NOVA1: variants seen among roughly 807,000 people sequenced by gnomAD.
NOVA1 encodes NOVA alternative splicing regulator 1.
In NOVA1, 7 loss-of-function variants were observed where a neutral mutation model predicts 38.0. That is an observed-to-expected ratio of 0.18 (90% CI 0.10 to 0.35). NOVA1 has a LOEUF of 0.35. Among genes scored for constraint, NOVA1 ranks in the 10% least tolerant of loss-of-function variants. NOVA1 has a pLI of 1.00. For missense variants in NOVA1, 460 were observed against 616.0 expected, an observed-to-expected ratio of 0.75 and a Z score of 2.68; for synonymous variants, 270 against 232.5, an observed-to-expected ratio of 1.16 and a Z score of -1.47.
At chr14:26,512,145 T>C (rs115481051) in intron 2 of NOVA1, among the ~76,000 whole-genome samples, 1,712 of 152,286 alleles carry the variant, frequency 0.011, 22 homozygotes, top group Middle Eastern at 0.058. Context: ...AGAGTATATA[T>C]TTTGCTTTAA....
chr14:26,498,209 G>A (rs1024690616), intron 2 of NOVA1, among the ~76,000 whole-genome samples: 6 of 151,242 alleles, frequency 4.0e-5, no homozygotes, highest in East Asian at 2.0e-4. Flanking sequence ...ACAGGCGCCC[G>A]CCACCACGCC....
At chr14:26,519,899 G>C (rs182339719) in intron 2 of NOVA1, among the ~76,000 whole-genome samples, 188 of 152,126 alleles carry the variant, frequency 1.2e-3, no homozygotes, top group African/African-American at 4.3e-3. Context: ...AATAATGCAA[G>C]AAATAATGAA....
At chr14:26,528,543 G>C (rs1204766421) in intron 2 of NOVA1, among the ~76,000 whole-genome samples, 1 of 152,088 alleles carries the variant, frequency 6.6e-6, no homozygotes, top group Non-Finnish European at 1.5e-5. Context: ...TGGGAAGACA[G>C]TAACCCTGGC....
chr14:26,521,436 C>G (rs1462913976), intron 2 of NOVA1, among the ~76,000 whole-genome samples: 1 of 152,018 alleles, frequency 6.6e-6, no homozygotes, highest in Admixed American at 6.6e-5. Context: ...GACTCACGAA[C>G]TCTATTACAA....
chr14:26,543,376 A>G (rs990378806), intron 2 of NOVA1, among the ~76,000 whole-genome samples: 1 of 152,014 alleles, frequency 6.6e-6, no homozygotes, highest in Admixed American at 6.6e-5. Context: ...TCCCAAACAC[A>G]TAACAGGAGC....
chr14:26,453,917 C>G (rs1407737284), intron 4 of NOVA1, among the ~76,000 whole-genome samples: 1 of 152,114 alleles, frequency 6.6e-6, no homozygotes, highest in African/African-American at 2.4e-5. Flanking sequence ...ACAGTGGATA[C>G]CTGTTATTTT....
intron 2 of NOVA1, among the ~76,000 whole-genome samples, chr14:26,533,458 A>G (rs1889862517): frequency 6.6e-6 from 1 of 152,176 alleles, no homozygotes; most frequent in African/African-American, 2.4e-5. Context: ...CAGTCTATCA[A>G]TGTTTATAGG....
chr14:26,503,533 A>C (rs1463635079), intron 2 of NOVA1, among the ~76,000 whole-genome samples: 1 of 152,158 alleles, frequency 6.6e-6, no homozygotes, highest in Non-Finnish European at 1.5e-5. Flanking sequence ...ATACTCTAGT[A>C]CAATTCTATT....
At chr14:26,595,966 G>GC in intron 1 of NOVA1, 1 of 383,822 alleles carries the variant, frequency 2.6e-6, no homozygotes, top group South Asian at 2.1e-5. Flanking sequence ...AAGAAGAAAA[G>GC]CCCAGGACTG....
At chr14:26,580,795 G>C (rs1029004329) in intron 2 of NOVA1, among the ~76,000 whole-genome samples, 3 of 151,746 alleles carry the variant, frequency 2.0e-5, no homozygotes, top group Non-Finnish European at 4.4e-5. Flanking sequence ...TCTATCACCT[G>C]CATTTTTACA....
At chr14:26,500,503 A>AG (rs1173787504) in intron 2 of NOVA1, among the ~76,000 whole-genome samples, 1 of 151,826 alleles carries the variant, frequency 6.6e-6, no homozygotes, top group Non-Finnish European at 1.5e-5. Context: ...ACCTCCCAGG[A>AG]GAAAAAAAAA....
At chr14:26,462,200 T>C (rs1883738089) in intron 4 of NOVA1, among the ~76,000 whole-genome samples, 2 of 152,258 alleles carry the variant, frequency 1.3e-5, no homozygotes, top group Non-Finnish European at 2.9e-5. Flanking sequence ...CTTTGTATAA[T>C]AACCCTTCAT....
At position 26,496,215 on chromosome 14, in the gene NOVA1, T is replaced by A. The variant is rs549811602; in HGVS notation, c.281-16072A>T. Among the ~76,000 whole-genome samples, 932 of 152,206 alleles carry A rather than the reference T, an allele frequency of 6.1e-3. 7 individuals are homozygous for A. Among genetic ancestry groups the A allele is most frequent in the Non-Finnish European group, 8.5e-3 (575 of 68,002 alleles). On this transcript the variant is annotated intron_variant, in intron 2 of 4. Transcript: ENST00000539517. The stretch of plus-strand genomic sequence containing the variant: ...TAACTGGTGTGAGATGATATCTCAT[T>A]GTGGTTTTGATTTGCATTTCTCTGA...
chr14:26,595,466 A>C lies in NOVA1; in HGVS notation c.224T>G (p.Leu75Trp), dbSNP rs1177715823. ...GATGGTGGCTCCAGTTTCTTTTTGC[A>C]ACTGAACAATTGTCTGTCCTCCCTT... ...IGKGGQTIVQ[L>W]QKETGATIKL... The change falls in exon 2 of 5, where the codon TTG becomes TGG. Residue 75 changes from leucine (L) to tryptophan (W), a missense_variant. Transcript: ENST00000539517. 6.2e-7 allele frequency: 1 copy of C among 1,613,850 alleles called. No homozygotes were observed. Among genetic ancestry groups the C allele is most frequent in the African/African-American group, 1.3e-5 (1 of 74,898 alleles).
intron 2 of NOVA1, among the ~76,000 whole-genome samples, chr14:26,584,487 T>C (rs558409286): frequency 3.6e-4 from 54 of 151,618 alleles, no homozygotes; most frequent in Admixed American, 2.0e-3. Flanking sequence ...CTAACGAATA[T>C]ATCTAGGAAG....
chr14:26,523,712 CTTTTT>C (rs944888941), intron 2 of NOVA1, among the ~76,000 whole-genome samples: 1 of 120,158 alleles, frequency 8.3e-6, no homozygotes, highest in Non-Finnish European at 1.8e-5. Context: ...ATATATCATT[CTTTTT>C]TTTTTCTTTT....
At chr14:26,589,393 AATTTTTTG>A (rs1258751049) in intron 2 of NOVA1, among the ~76,000 whole-genome samples, 1 of 151,734 alleles carries the variant, frequency 6.6e-6, no homozygotes, top group Non-Finnish European at 1.5e-5. Flanking sequence ...ATGACACAGT[AATTTTTTG>A]AGATTTTGAC....
At chr14:26,596,468 C>A in intron 1 of NOVA1, 1 of 1,100,054 alleles carries the variant, frequency 9.1e-7, no homozygotes, top group South Asian at 1.3e-5. Context: ...GGAGACACCC[C>A]GGTAAATCCA....
intron 2 of NOVA1, among the ~76,000 whole-genome samples, chr14:26,496,332 T>G (rs1886777121): frequency 6.6e-6 from 1 of 152,344 alleles, no homozygotes. Flanking sequence ...TCGCCCACTT[T>G]TTGATGGGGT....
Sources: gnomAD v4.1 joint callset for allele counts (sites outside exome capture counted in the v4.1 genomes callset) on GRCh38, gnomAD v4.1.1 for gene constraint, MANE v1.5 for transcripts, NCBI Gene and HGNC (gene_info 2026-07-23, HGNC 2026-07-21) for gene names.